RELN: variants seen among roughly 807,000 people sequenced by gnomAD.
RELN encodes the protein reelin.
RELN carries 108 observed loss-of-function variants against 427.6 expected under a neutral mutation model. That is an observed-to-expected ratio of 0.25 (90% CI 0.22 to 0.30). RELN has a LOEUF of 0.30. RELN is among the 10% of genes least tolerant of loss of function. RELN has a pLI of 1.00. For missense variants in RELN, 3,715 were observed against 4,302.8 expected (o/e 0.86, Z 3.82); for synonymous variants, 1,524 against 1,513.4 (o/e 1.01, Z -0.16).
intron 5 of RELN, among the ~76,000 whole-genome samples, chr7:103,751,836 A>T (rs1021274577): frequency 6.6e-6 from 1 of 152,264 alleles, no homozygotes; most frequent in Non-Finnish European, 1.5e-5. Context: ...TTGAAAGGAA[A>T]AGCCCAAGAG....
At chr7:103,723,625 T>A (rs1312867636) in intron 7 of RELN, among the ~76,000 whole-genome samples, 1 of 151,966 alleles carries the variant, frequency 6.6e-6, no homozygotes, top group African/African-American at 2.4e-5. Flanking sequence ...AACAAATGAG[T>A]AGAATAAAAT....
At position 103,869,596 on chromosome 7, in the gene RELN, G is replaced by A. The variant is rs185550324; in HGVS notation, c.338-35924C>T. 1.1e-3 allele frequency among the ~76,000 whole-genome samples: 174 copies of A among 152,058 alleles called. 1 individual carries two copies. The highest frequency in any genetic ancestry group is 7.1e-3 in the South Asian group (34 of 4,808). On this transcript the variant is annotated intron_variant, in intron 2 of 64. Coordinates refer to ENST00000428762, the MANE Select transcript of RELN (RefSeq NM_005045.4). ...ATTTAATAGTGTCACCAAGTGTCCT[G>A]GCTTCCATTGTTTCTGATACGAAAT...
At chr7:103,877,316 T>A (rs531616833) in intron 2 of RELN, among the ~76,000 whole-genome samples, 2 of 152,242 alleles carry the variant, frequency 1.3e-5, no homozygotes, top group East Asian at 1.9e-4. Context: ...CATTTGAATA[T>A]CCCAACATGT....
rs577612371 is a variant in RELN at position 103,937,465 on chromosome 7, A to G, written c.227-20280T>C. On this transcript the variant is annotated intron_variant, in intron 1 of 64. Coordinates refer to ENST00000428762, the MANE Select transcript of RELN (RefSeq NM_005045.4). ...TATTATCCCTGATAAGGTCATATGG[A>G]TATTATTGGCCCTGGAAGGCATTTG... Among the ~76,000 whole-genome samples the G allele has an allele frequency of 5.9e-5, 9 of 152,284 alleles. No individual in the cohort carries two copies. The East Asian group carries it at 1.7e-3, about 29-fold the overall frequency.
chr7:103,698,205 T>C (rs553463374), intron 9 of RELN, 112 bp from the exon 10 acceptor site: 34 of 1,310,704 alleles, frequency 2.6e-5, no homozygotes, highest in Non-Finnish European at 1.1e-6. Context: ...TTATATTTAT[T>C]ACAGATAAAA....
At chr7:103,924,862 G>C (rs534767121) in intron 1 of RELN, among the ~76,000 whole-genome samples, 14 of 151,974 alleles carry the variant, frequency 9.2e-5, no homozygotes, top group Non-Finnish European at 2.1e-4. Flanking sequence ...GTTTAGATGA[G>C]AGCACTTGGT....
At chr7:103,735,655 C>T (rs146115230) in intron 6 of RELN, among the ~76,000 whole-genome samples, 9 of 152,288 alleles carry the variant, frequency 5.9e-5, no homozygotes, top group African/African-American at 2.2e-4. Flanking sequence ...TTTTAGATCA[C>T]AGTGAAATCA....
chr7:103,720,256 T>C (rs188495367), intron 8 of RELN, among the ~76,000 whole-genome samples: 25 of 151,966 alleles, frequency 1.6e-4, no homozygotes, highest in Admixed American at 1.4e-3. Context: ...TGGAATTTAT[T>C]TGAGACACCC....
chr7:103,700,243 T>C (rs1414738144), intron 9 of RELN, among the ~76,000 whole-genome samples: 5 of 152,148 alleles, frequency 3.3e-5, no homozygotes, highest in Admixed American at 1.3e-4. Flanking sequence ...TTTAGAATTT[T>C]ATTTCATGGT....
intron 4 of RELN, among the ~76,000 whole-genome samples, chr7:103,768,318 G>T (rs994363618): frequency 5.9e-5 from 9 of 151,960 alleles, no homozygotes; most frequent in Admixed American, 5.2e-4. Flanking sequence ...ACAGCAGAAT[G>T]CAGATGGGCA....
chr7:103,698,713 C>G (rs1834030087), intron 9 of RELN, among the ~76,000 whole-genome samples: 1 of 151,984 alleles, frequency 6.6e-6, no homozygotes, highest in Non-Finnish European at 1.5e-5. Flanking sequence ...ATAGGTCTTG[C>G]TATGTTGCCT....
At position 103,776,605 on chromosome 7, in the gene RELN, G is replaced by T; in HGVS notation, c.496C>A (p.Gln166Lys). 3 of 1,614,034 alleles carry T rather than the reference G, an allele frequency of 1.9e-6. No individual in the cohort carries two copies. The highest frequency in any genetic ancestry group is 2.5e-6 in the Non-Finnish European group (3 of 1,179,956). The change falls in exon 4 of 65, where the codon CAG becomes AAG. Residue 166 changes from glutamine to lysine, a missense_variant. Physicochemically the swap from Gln to Lys is moderately conservative, Grantham distance 53. This residue lies in a region of RELN where 2,208 missense variants were observed against 2,361.7 expected (regional missense o/e 0.93). Coordinates refer to ENST00000428762, the MANE Select transcript of RELN (RefSeq NM_005045.4). ...NFMATATHRG[Q>K]VIFKDALAQQ... ...GCTAAAGCATCTTTGAAAATAACCT[G>T]GCCCCGGTGTGTTGCTGTAGCCCTG...
At chr7:103,855,977 C>A (rs1793934837) in intron 2 of RELN, among the ~76,000 whole-genome samples, 1 of 152,092 alleles carries the variant, frequency 6.6e-6, no homozygotes, top group Non-Finnish European at 1.5e-5. Flanking sequence ...TGTGGAGATA[C>A]AAGTCAACCC....
At chr7:103,609,369 G>A (rs1831895430) in intron 22 of RELN, among the ~76,000 whole-genome samples, 1 of 152,152 alleles carries the variant, frequency 6.6e-6, no homozygotes, top group African/African-American at 2.4e-5. Flanking sequence ...TCTGCTTTGA[G>A]TATGACCAGT....
intron 20 of RELN, among the ~76,000 whole-genome samples, chr7:103,627,560 CT>C (rs1472960648): frequency 6.6e-6 from 1 of 151,466 alleles, no homozygotes; most frequent in Non-Finnish European, 1.5e-5. Flanking sequence ...TTTTCATGTC[CT>C]TATTAAAGTG....
At chr7:103,651,887 T>C (rs935676988) in intron 14 of RELN, 98 bp from the exon 15 acceptor site, 9 of 1,276,656 alleles carry the variant, frequency 7.0e-6, no homozygotes, top group Non-Finnish European at 1.0e-5. Context: ...TAAACAACTG[T>C]AAAAACAGTG....
At chr7:103,858,099 G>T (rs1793988267) in intron 2 of RELN, among the ~76,000 whole-genome samples, 1 of 151,798 alleles carries the variant, frequency 6.6e-6, no homozygotes, top group Non-Finnish European at 1.5e-5. Flanking sequence ...TGTCTAGTTT[G>T]TTCAATAGTC....
rs78221963 is a variant in RELN, at chr7:103,565,502, G to T, written c.4986C>A (p.Thr1662=). ...ETWDFHVSAS[T]FLQFEMSMGC... ...CCATGCTCATTTCAAACTGCAAAAAGGTAGATGCTGACACATGAAAATCCC... is the reference window on the plus strand; with the variant it reads ...CCATGCTCATTTCAAACTGCAAAAATGTAGATGCTGACACATGAAAATCCC... The change falls in exon 34 of 65, where the codon ACC becomes ACA. Residue 1662 remains threonine (T), a synonymous_variant. Transcript: ENST00000428762. The T allele has an allele frequency of 1.2e-6, 2 of 1,613,572 alleles. No homozygotes were observed.
Position 103,824,627 on chromosome 7 carries a change from AGTGTGTGTGTGTGTGT to A in RELN, c.473+8894_473+8909del, listed in dbSNP as rs368098458. Among the ~76,000 whole-genome samples the A allele has an allele frequency of 5.2e-4, 68 of 130,962 alleles. 1 individual carries two copies. Among genetic ancestry groups the A allele is most frequent in the East Asian group, 1.2e-3 (5 of 4,282 alleles). The allele number at this position is 130,962 out of a possible 152,430, so 85.9% of individuals were successfully genotyped here. A position where few individuals can be genotyped will look rare whatever the true frequency, so the allele number is the denominator to read the frequency against. Reference sequence around the variant, plus strand: ...GTGTTTTCACTTTCTTTCAAAACAGAGTGTGTGTGTGTGTGTGTGTGTGTGTGTGTGTGTGTGTGTG... The same window carrying A: ...GTGTTTTCACTTTCTTTCAAAACAGAGTGTGTGTGTGTGTGTGTGTGTGTG... On this transcript the variant is annotated intron_variant, in intron 3 of 64. Transcript: ENST00000428762. This position sits in a 1 kb window ranked among gnomAD's most constrained non-coding sequence, Gnocchi z 4.4.
Sources: allele counts gnomAD v4.1 joint callset (sites outside exome capture counted in the v4.1 genomes callset), GRCh38; gene constraint gnomAD v4.1.1; regional missense constraint gnomAD v4.1.1; non-coding constraint Gnocchi (gnomAD v3.1); transcripts MANE v1.5; gene names NCBI Gene and HGNC (gene_info 2026-07-23, HGNC 2026-07-21).